Variants in ALDH9A1 observed in about 807,000 individuals in gnomAD.
ALDH9A1 encodes the protein aldehyde dehydrogenase 9 family member A1.
ALDH9A1 carries 42 observed loss-of-function variants against 56.6 expected under a neutral mutation model. That is an observed-to-expected ratio of 0.74 (90% CI 0.58 to 0.96). The LOEUF (loss-of-function observed/expected upper bound fraction) is 0.96. ALDH9A1 is among the 40% of genes least tolerant of loss of function. The pLI, the probability that ALDH9A1 is intolerant of heterozygous loss-of-function variation, is 0.00. For synonymous variants in ALDH9A1, 242 were observed against 236.0 expected (o/e 1.03, Z -0.23); for missense variants, 661 against 651.5 (o/e 1.01, Z -0.16).
rs760415392 is a variant in ALDH9A1 at position 165,680,608 on chromosome 1, G to T, written c.668C>A (p.Ala223Asp). The change falls in exon 5 of 11, where the codon GCT (alanine) becomes GAT (aspartate). Residue 223 changes from alanine (A) to aspartate (D), a missense_variant. Ala to Asp is a moderately radical substitution (Grantham distance 126, BLOSUM62 -2). Transcript: ENST00000354775. ...ALLLAEIYSE[A>D]GVPPGLFNVV... is the part of the protein sequence containing the mutation. ...ATTGAAGAGCCCAGGAGGTACACCA[G>T]CCTCACTGTAGATTTCAGCCAGTAG... 11 of 1,614,028 alleles carry T rather than the reference G, an allele frequency of 6.8e-6. No individual in the cohort carries two copies. The highest frequency in any genetic ancestry group is 1.6e-4 in the Middle Eastern group (1 of 6,084).
intron 1 of ALDH9A1, 69 bp downstream of exon 1, chr1:165,698,309 G>A (rs1650161457): frequency 6.5e-7 from 1 of 1,531,606 alleles, no homozygotes; most frequent in Non-Finnish European, 8.7e-7. Context: ...CACAGGAAAC[G>A]GGGGCTGGCC....
chr1:165,663,033 G>A lies in ALDH9A1; in HGVS notation c.*17C>T. Reference sequence around the variant, plus strand: ...ATTCCACAGCGTGGCCATGTCAATAGGTTTCACTGCAGGTTTTCAAAAAGC... The same window carrying A: ...ATTCCACAGCGTGGCCATGTCAATAAGTTTCACTGCAGGTTTTCAAAAAGC... On this transcript the variant is annotated 3_prime_UTR_variant, in exon 11 of 11. Coordinates refer to ENST00000354775, the MANE Select transcript of ALDH9A1 (RefSeq NM_000696.4). 1.2e-6 allele frequency: 2 copies of A among 1,608,812 alleles called. No homozygotes were observed. The highest frequency in any genetic ancestry group is 1.7e-6 in the Non-Finnish European group (2 of 1,175,196).
intron 6 of ALDH9A1, among the ~76,000 whole-genome samples, chr1:165,677,997 T>G (rs778752930): frequency 2.0e-5 from 3 of 152,068 alleles, no homozygotes; most frequent in Non-Finnish European, 4.4e-5. Context: ...ATCGTGCCAC[T>G]GCACTCCAGC....
At chr1:165,677,136 G>A (rs541378395) in intron 6 of ALDH9A1, among the ~76,000 whole-genome samples, 3 of 152,192 alleles carry the variant, frequency 2.0e-5, no homozygotes, top group African/African-American at 7.2e-5. Flanking sequence ...ACTTTGGGAG[G>A]CCGAGGCATT....
intron 2 of ALDH9A1, among the ~76,000 whole-genome samples, chr1:165,688,561 T>C (rs1192727114): frequency 1.3e-5 from 2 of 151,882 alleles, no homozygotes; most frequent in Non-Finnish European, 2.9e-5. Flanking sequence ...CTACAAAAAA[T>C]ACAAACAAAA....
chr1:165,693,368 A>G (rs1229533086), intron 2 of ALDH9A1, among the ~76,000 whole-genome samples: 4 of 152,220 alleles, frequency 2.6e-5, no homozygotes, highest in Non-Finnish European at 4.4e-5. Context: ...CAAATTTACA[A>G]GAAAAAACAA....
At chr1:165,669,181 A>G in intron 7 of ALDH9A1, 81 bp downstream of exon 7, 2 of 1,423,234 alleles carry the variant, frequency 1.4e-6, no homozygotes, top group Non-Finnish European at 1.9e-6. Flanking sequence ...TACGAATATT[A>G]ACATGAAAAG....
At chr1:165,695,499 T>TA in intron 1 of ALDH9A1, 102 bp from the exon 2 acceptor site, 1 of 959,892 alleles carries the variant, frequency 1.0e-6, no homozygotes, top group East Asian at 4.6e-5. Context: ...TTTTTTTTTT[T>TA]TTTTTTTTTT....
intron 2 of ALDH9A1, among the ~76,000 whole-genome samples, chr1:165,687,850 T>C (rs1649760754): frequency 6.6e-6 from 1 of 151,904 alleles, no homozygotes; most frequent in Admixed American, 6.6e-5. Flanking sequence ...TAGCCAGGCA[T>C]GGTGGCACAC....
chr1:165,675,013 T>C (rs1041854953), intron 6 of ALDH9A1, among the ~76,000 whole-genome samples: 2 of 152,008 alleles, frequency 1.3e-5, no homozygotes, highest in African/African-American at 4.8e-5. Context: ...GCCAACATGG[T>C]GAAACCCTGT....
At chr1:165,686,925 C>T (rs532922733) in intron 2 of ALDH9A1, among the ~76,000 whole-genome samples, 7 of 152,110 alleles carry the variant, frequency 4.6e-5, no homozygotes, top group Admixed American at 3.3e-4. Flanking sequence ...TAGACAAGAA[C>T]ATTAAGTTAT....
At chr1:165,685,502 G>C (rs772282482) in intron 2 of ALDH9A1, among the ~76,000 whole-genome samples, 4 of 152,168 alleles carry the variant, frequency 2.6e-5, no homozygotes, top group Non-Finnish European at 5.9e-5. Flanking sequence ...AATGGAGGGA[G>C]GGAGGGATAA....
intron 8 of ALDH9A1, among the ~76,000 whole-genome samples, chr1:165,667,714 G>C (rs987462399): frequency 7.2e-5 from 11 of 152,072 alleles, no homozygotes; most frequent in African/African-American, 2.7e-4. Context: ...CTAATTCATG[G>C]GGGATGGACA....
At chr1:165,676,457 A>G in intron 6 of ALDH9A1, 1 of 256,318 alleles carries the variant, frequency 3.9e-6, no homozygotes, top group Non-Finnish European at 7.5e-6. Context: ...ACTATTCAAA[A>G]AGGAATGCCC....
chr1:165,667,412 T>G lies in ALDH9A1; in HGVS notation c.1246A>C (p.Ile416Leu). The G allele has an allele frequency of 6.2e-7, 1 of 1,613,956 alleles. No individual in the cohort carries two copies. The highest frequency in any genetic ancestry group is 8.5e-7 in the Non-Finnish European group (1 of 1,179,972). The change falls in exon 9 of 11, where the codon ATC becomes CTC. Residue 416 changes from isoleucine (I) to leucine (L), a missense_variant. By Grantham distance (5) the Ile-to-Leu change is conservative (BLOSUM62 2). Coordinates refer to ENST00000354775, the MANE Select transcript of ALDH9A1 (RefSeq NM_000696.4). ...RDDMTCVKEE[I>L]FGPVMSILSF... ...AAAATGGACATAACAGGCCCAAAGA[T>G]CTCTTCCTTCACACAGGTCATGTCG...
At chr1:165,679,200 C>T (rs1390868678) in intron 6 of ALDH9A1, among the ~76,000 whole-genome samples, 2 of 152,256 alleles carry the variant, frequency 1.3e-5, no homozygotes, top group Non-Finnish European at 2.9e-5. Flanking sequence ...AATTTACTCT[C>T]AAGGTTCAGA....
Position 165,663,082 on chromosome 1 carries a change from C to A in ALDH9A1, c.1525G>T (p.Val509Leu), listed in dbSNP as rs1474667972. The A allele has an allele frequency of 6.2e-7, 1 of 1,613,970 alleles. No individual in the cohort carries two copies. The highest frequency in any genetic ancestry group is 1.1e-5 in the South Asian group (1 of 91,092). The change falls in exon 11 of 11, where the codon GTG (valine) becomes TTG (leucine). Residue 509 changes from valine (V) to leucine (L), a missense_variant. Coordinates refer to ENST00000354775, the MANE Select transcript of ALDH9A1 (RefSeq NM_000696.4). Reference protein sequence around the residue: ...EYYSQLKTVCVEMGDVESAF With the variant: ...EYYSQLKTVCLEMGDVESAF Reference sequence around the variant, plus strand: ...GCAGATTCCACATCACCCATCTCCACACACACAGTCTTCAGCTGTGAATAA... The same window carrying A: ...GCAGATTCCACATCACCCATCTCCAAACACACAGTCTTCAGCTGTGAATAA...
chr1:165,690,552 T>C (rs1449922226), intron 2 of ALDH9A1, among the ~76,000 whole-genome samples: 9 of 152,110 alleles, frequency 5.9e-5, no homozygotes, highest in Admixed American at 5.9e-4. Flanking sequence ...TGGGTTCATC[T>C]CATTAGGACT....
At chr1:165,687,094 T>C (rs570789695) in intron 2 of ALDH9A1, among the ~76,000 whole-genome samples, 4 of 151,840 alleles carry the variant, frequency 2.6e-5, no homozygotes, top group Non-Finnish European at 5.9e-5. Flanking sequence ...CCGATGAACT[T>C]GAGTCATAAC....
Sources: allele counts gnomAD v4.1 joint callset (sites outside exome capture counted in the v4.1 genomes callset), GRCh38; gene constraint gnomAD v4.1.1; transcripts MANE v1.5; gene names NCBI Gene and HGNC (gene_info 2026-07-23, HGNC 2026-07-21).